The following VTCN1 variants were observed in gnomAD, a reference collection of about 807,000 sequenced individuals.
The protein encoded by VTCN1 is V-set domain-containing T-cell activation inhibitor 1.
In VTCN1, 26 loss-of-function variants were observed where a neutral mutation model predicts 26.5. The observed-to-expected ratio is 0.98, with a 90% CI of 0.72 to 1.36. The LOEUF (loss-of-function observed/expected upper bound fraction) is 1.36. VTCN1 is among the 40% of genes most tolerant of loss of function. The probability of loss-of-function intolerance (pLI) is 0.00; values close to 1 mark genes in which losing one functional copy is unlikely to be tolerated. For missense variants in VTCN1, 298 were observed against 337.7 expected (o/e 0.88, Z 0.92); for synonymous variants, 116 against 130.7 (o/e 0.89, Z 0.77).
At chr1:117,171,771 G>A (rs1350802278) in intron 1 of VTCN1, among the ~76,000 whole-genome samples, 2 of 152,196 alleles carry the variant, frequency 1.3e-5, no homozygotes, top group African/African-American at 4.8e-5. Flanking sequence ...ATGGGGAAGT[G>A]ACACAGGGAG....
At chr1:117,188,178 C>A (rs1023351068) in intron 1 of VTCN1, among the ~76,000 whole-genome samples, 1 of 152,112 alleles carries the variant, frequency 6.6e-6, no homozygotes, top group Non-Finnish European at 1.5e-5. Flanking sequence ...GAATTTAAAT[C>A]ATACTTGAGA....
intron 1 of VTCN1, among the ~76,000 whole-genome samples, chr1:117,179,773 T>C (rs1250334600): frequency 2.0e-5 from 3 of 152,218 alleles, no homozygotes; most frequent in Admixed American, 6.5e-5. Flanking sequence ...CATATAAGAA[T>C]GATAGCTAAT....
intron 1 of VTCN1, among the ~76,000 whole-genome samples, chr1:117,194,412 C>G (rs558394692): frequency 6.6e-6 from 1 of 151,990 alleles, no homozygotes; most frequent in Admixed American, 6.6e-5. Context: ...CATTTGTATA[C>G]TATTGGTGGG....
rs554386170 is a variant in VTCN1, at chr1:117,196,409, G to T, written c.32+14415C>A. Among the ~76,000 whole-genome samples, 1,239 of 150,962 alleles carry T rather than the reference G, an allele frequency of 8.2e-3. 10 individuals are homozygous for T. The highest frequency in any genetic ancestry group is 0.014 in the African/African-American group (579 of 41,166). ...AAATACATATATATATATATAGAGAGAGAGAGAGAGAGAGACGGAAAAAAA... is the reference window on the plus strand; with the variant it reads ...AAATACATATATATATATATAGAGATAGAGAGAGAGAGAGACGGAAAAAAA... On this transcript the variant is annotated intron_variant, in intron 1 of 5. Coordinates refer to ENST00000369458, the MANE Select transcript of VTCN1 (RefSeq NM_024626.4).
At chr1:117,208,472 G>C (rs1649205564) in intron 1 of VTCN1, among the ~76,000 whole-genome samples, 1 of 152,150 alleles carries the variant, frequency 6.6e-6, no homozygotes, top group Non-Finnish European at 1.5e-5. Context: ...TTATGTGGGA[G>C]TCTTTCTCCT....
At chr1:117,184,019 C>T (rs527796658) in intron 1 of VTCN1, among the ~76,000 whole-genome samples, 5 of 152,286 alleles carry the variant, frequency 3.3e-5, no homozygotes, top group African/African-American at 1.2e-4. Flanking sequence ...GCTGGGGACT[C>T]ACTGCCAAGT....
At chr1:117,196,401 TATAGAG>T (rs1026665817) in intron 1 of VTCN1, among the ~76,000 whole-genome samples, 6 of 147,946 alleles carry the variant, frequency 4.1e-5, no homozygotes, top group Non-Finnish European at 7.4e-5. Context: ...TATATATATA[TATAGAG>T]AGAGAGAGAG....
At chr1:117,209,943 T>G (rs1176239243) in intron 1 of VTCN1, among the ~76,000 whole-genome samples, 1 of 152,202 alleles carries the variant, frequency 6.6e-6, no homozygotes, top group African/African-American at 2.4e-5. Context: ...CCTCTCTTCT[T>G]TTCTTCCTTT....
intron 1 of VTCN1, among the ~76,000 whole-genome samples, chr1:117,193,004 A>ATTAATATATTTG (rs1648320967): frequency 6.6e-6 from 1 of 152,194 alleles, no homozygotes; most frequent in East Asian, 1.9e-4. Flanking sequence ...ACACAGCAAT[A>ATTAATATATTTG]ACAATGGAAA....
At chr1:117,184,303 C>G (rs1188678214) in intron 1 of VTCN1, among the ~76,000 whole-genome samples, 1 of 152,046 alleles carries the variant, frequency 6.6e-6, no homozygotes, top group Admixed American at 6.6e-5. Context: ...GAAGTCTGGG[C>G]AGCACTGGGC....
At chr1:117,204,192 T>C (rs1648928658) in intron 1 of VTCN1, among the ~76,000 whole-genome samples, 1 of 152,232 alleles carries the variant, frequency 6.6e-6, no homozygotes, top group Non-Finnish European at 1.5e-5. Context: ...TTGAGACTAA[T>C]TAACACATAA....
At chr1:117,179,661 C>T (rs1396036527) in intron 1 of VTCN1, among the ~76,000 whole-genome samples, 1 of 152,154 alleles carries the variant, frequency 6.6e-6, no homozygotes, top group Admixed American at 6.5e-5. Flanking sequence ...TTTTGAAAGG[C>T]CCTTTCAAAT....
chr1:117,156,948 G>T, intron 2 of VTCN1, 27 bp from the exon 3 acceptor site: 1 of 1,613,664 alleles, frequency 6.2e-7, no homozygotes. Flanking sequence ...AAAGATCAAT[G>T]CTAAGGGAAG....
chr1:117,208,200 G>A (rs1391010964), intron 1 of VTCN1, among the ~76,000 whole-genome samples: 1 of 152,190 alleles, frequency 6.6e-6, no homozygotes, highest in African/African-American at 2.4e-5. Context: ...TTCATGTTAT[G>A]ATGATAATAC....
chr1:117,202,316 C>A (rs58620918), intron 1 of VTCN1, among the ~76,000 whole-genome samples: 3 of 152,070 alleles, frequency 2.0e-5, no homozygotes, highest in Non-Finnish European at 2.9e-5. Flanking sequence ...CACCAGCAAC[C>A]GGGTATAGAG....
In VTCN1 at chr1:117,156,712, C is replaced by A; in HGVS notation, c.307G>T (p.Val103Leu). ...QDEMFRGRTA[V>L]FADQVIVGNA... ...CCAACTATCACTTGATCAGCAAACA[C>A]TGCTGTCCGGCCTCTGAACATTTCA... is the stretch of plus-strand genomic sequence containing the variant. Residue 103 changes from valine (V) to leucine (L), a missense_variant, in exon 3 of 6, where the codon GTG (valine) becomes TTG (leucine). Transcript: ENST00000369458. 3 of 1,614,212 alleles carry A rather than the reference C, an allele frequency of 1.9e-6. No homozygotes were observed. The highest frequency in any genetic ancestry group is 2.5e-6 in the Non-Finnish European group (3 of 1,180,028).
At position 117,147,904 on chromosome 1, in the gene VTCN1, T is replaced by G. The variant is rs1160706026; in HGVS notation, c.725-122A>C. ...CAAGTTGTTCCTAATTCAGGCAATT[T>G]TTTACCCCTTTGCCCACCTCTCCGT... On this transcript the variant is annotated intron_variant, in intron 4 of 5. Transcript: ENST00000369458. The surrounding 1 kb of genome is among the most constrained non-coding windows in gnomAD (Gnocchi z 4.6). 6 of 1,324,662 alleles carry G rather than the reference T, an allele frequency of 4.5e-6. No individual in the cohort carries two copies. Among genetic ancestry groups the G allele is most frequent in the Non-Finnish European group, 6.1e-6 (6 of 976,700 alleles). 82.1% of individuals were successfully genotyped at this position (1,324,662 alleles called of 1,614,324 possible).
Position 117,147,571 on chromosome 1 carries a change from C to T in VTCN1, c.*45+42G>A. On this transcript the variant is annotated intron_variant, in intron 5 of 5. Coordinates refer to ENST00000369458, the MANE Select transcript of VTCN1 (RefSeq NM_024626.4). This position sits in a 1 kb window ranked among gnomAD's most constrained non-coding sequence, Gnocchi z 4.6. ...CCGACTCTCATTAGGAGCACAAGCA[C>T]CCACAGAACCAATATCCCACACTAT... 3 of 1,532,024 alleles carry T rather than the reference C, an allele frequency of 2.0e-6. No homozygotes were observed. Among genetic ancestry groups the T allele is most frequent in the South Asian group, 2.5e-5 (2 of 80,038 alleles). The allele number at this position is 1,532,024 out of a possible 1,614,324, so 94.9% of individuals were successfully genotyped here.
rs571937877 is a variant in VTCN1, at chr1:117,208,170, C to T, written c.32+2654G>A. On this transcript the variant is annotated intron_variant, in intron 1 of 5. Coordinates refer to ENST00000369458, the MANE Select transcript of VTCN1 (RefSeq NM_024626.4). Reference sequence around the variant, plus strand: ...GGTGTGACCTCTCAGCCTCATCTCCCAGCATTTCCTGCCTCAAACTTCATG... The same window carrying T: ...GGTGTGACCTCTCAGCCTCATCTCCTAGCATTTCCTGCCTCAAACTTCATG... 6.5e-4 allele frequency among the ~76,000 whole-genome samples: 99 copies of T among 152,334 alleles called. 2 individuals carry two copies. In the South Asian group the frequency reaches 0.019, roughly 29 times the overall value.
Sources: allele counts gnomAD v4.1 joint callset (sites outside exome capture counted in the v4.1 genomes callset), GRCh38; gene constraint gnomAD v4.1.1; non-coding constraint Gnocchi (gnomAD v3.1); transcripts MANE v1.5; gene names NCBI Gene and HGNC (gene_info 2026-07-23, HGNC 2026-07-21).